WDFY3: variants seen among roughly 807,000 people sequenced by gnomAD.
WDFY3 encodes the protein WD repeat and FYVE domain-containing protein 3.
A neutral mutation model predicts 409.6 loss-of-function variants in WDFY3; 66 were observed. The ratio of observed to expected loss-of-function variants is 0.16; its 90% CI spans 0.13 to 0.20. The LOEUF (loss-of-function observed/expected upper bound fraction) is 0.20. WDFY3 is among the 10% of genes least tolerant of loss of function. The pLI is 1.00. For synonymous variants in WDFY3, 1,521 were observed against 1,537.1 expected (o/e 0.99, Z 0.25); for missense variants, 3,031 against 4,298.1 (o/e 0.71, Z 8.24).
intron 3 of WDFY3, among the ~76,000 whole-genome samples, chr4:84,894,947 CAAAAAAAAAAA>C: frequency 1.0e-5 from 1 of 98,848 alleles, no homozygotes; most frequent in East Asian, 3.3e-4. Context: ...GAGACTGTCT[CAAAAAAAAAAA>C]AAAAAAAAGT....
intron 56 of WDFY3, among the ~76,000 whole-genome samples, chr4:84,697,617 C>T (rs1730342749): frequency 6.6e-6 from 1 of 152,128 alleles, no homozygotes; most frequent in East Asian, 1.9e-4. Flanking sequence ...AATTTGGCTG[C>T]ATCTAAACAA....
At chr4:84,900,856 T>C (rs921841817) in intron 2 of WDFY3, among the ~76,000 whole-genome samples, 62 of 152,248 alleles carry the variant, frequency 4.1e-4, no homozygotes, top group African/African-American at 1.3e-3. Context: ...ACAAAAACTT[T>C]TGAAAACAGC....
chr4:84,735,955 T>A (rs1024865851), intron 42 of WDFY3, among the ~76,000 whole-genome samples: 1 of 152,228 alleles, frequency 6.6e-6, no homozygotes, highest in African/African-American at 2.4e-5. Flanking sequence ...CTAAATCTCA[T>A]CTTATATCCA....
intron 21 of WDFY3, among the ~76,000 whole-genome samples, chr4:84,793,614 T>C (rs1279727784): frequency 6.6e-6 from 1 of 152,088 alleles, no homozygotes; most frequent in Non-Finnish European, 1.5e-5. Flanking sequence ...ATCAGAGAAA[T>C]AGTGAGTATT....
At chr4:84,756,612 AAAT>A (rs901497252) in intron 33 of WDFY3, among the ~76,000 whole-genome samples, 32 of 148,668 alleles carry the variant, frequency 2.2e-4, no homozygotes, top group African/African-American at 7.6e-4. Context: ...AAATAAAATA[AAAT>A]AAAATAAAAT....
intron 1 of WDFY3, among the ~76,000 whole-genome samples, chr4:84,932,995 C>CT (rs1770959625): frequency 6.6e-6 from 1 of 152,094 alleles, no homozygotes; most frequent in Non-Finnish European, 1.5e-5. Flanking sequence ...TCTTAGGCCT[C>CT]TAGTAACTCT....
chr4:84,950,582 G>A (rs775222028), intron 1 of WDFY3, among the ~76,000 whole-genome samples: 1 of 152,088 alleles, frequency 6.6e-6, no homozygotes, highest in East Asian at 1.9e-4. Context: ...ATGATGTTAG[G>A]AGATCGAGAC....
At chr4:84,958,036 T>G (rs887360580) in intron 1 of WDFY3, among the ~76,000 whole-genome samples, 3 of 152,234 alleles carry the variant, frequency 2.0e-5, no homozygotes, top group Non-Finnish European at 2.9e-5. Flanking sequence ...ATTATTACAT[T>G]TATTTATGGT....
intron 30 of WDFY3, among the ~76,000 whole-genome samples, 197 bp from the exon 31 acceptor site, chr4:84,766,569 T>C (rs993321208): frequency 2.6e-5 from 4 of 152,230 alleles, no homozygotes; most frequent in Non-Finnish European, 5.9e-5. Context: ...TTCATTTACA[T>C]TTGACATTTC....
chr4:84,905,790 C>T (rs771859697), intron 2 of WDFY3, among the ~76,000 whole-genome samples: 5 of 152,168 alleles, frequency 3.3e-5, no homozygotes, highest in Non-Finnish European at 5.9e-5. Flanking sequence ...CACTCTCCCC[C>T]AGACATCTCC....
chr4:84,709,249 T>C, intron 52 of WDFY3, 44 bp downstream of exon 52: 1 of 1,555,908 alleles, frequency 6.4e-7, no homozygotes, highest in Non-Finnish European at 8.7e-7. Context: ...ACTTCTACTC[T>C]AATTACGAAC....
intron 7 of WDFY3, among the ~76,000 whole-genome samples, chr4:84,833,683 A>G (rs139961467): frequency 2.0e-4 from 28 of 137,852 alleles, no homozygotes; most frequent in African/African-American, 7.4e-4. Context: ...AAAGAAAAGA[A>G]AAGAAAAGAG....
At chr4:84,722,483 G>A (rs1735008238) in intron 46 of WDFY3, among the ~76,000 whole-genome samples, 1 of 152,158 alleles carries the variant, frequency 6.6e-6, no homozygotes, top group Non-Finnish European at 1.5e-5. Context: ...TGGCAGTATG[G>A]CTTTTCATAC....
intron 1 of WDFY3, among the ~76,000 whole-genome samples, chr4:84,945,949 C>CA (rs1251171953): frequency 6.6e-6 from 1 of 152,046 alleles, no homozygotes; most frequent in East Asian, 1.9e-4. Flanking sequence ...ATAGAATTGA[C>CA]AGAGGTGACT....
At chr4:84,835,116 C>T (rs886555989) in intron 7 of WDFY3, among the ~76,000 whole-genome samples, 1 of 152,144 alleles carries the variant, frequency 6.6e-6, no homozygotes, top group Admixed American at 6.6e-5. Flanking sequence ...TCAATGACTT[C>T]AGTATGCTAA....
chr4:84,764,323 T>C (rs1323206716), intron 32 of WDFY3, among the ~76,000 whole-genome samples: 1 of 152,220 alleles, frequency 6.6e-6, no homozygotes, highest in Non-Finnish European at 1.5e-5. Context: ...TACCAAAATG[T>C]TCAAAATAAT....
intron 37 of WDFY3, among the ~76,000 whole-genome samples, chr4:84,742,352 G>A (rs897261769): frequency 2.0e-5 from 3 of 152,178 alleles, no homozygotes; most frequent in Non-Finnish European, 2.9e-5. Context: ...ACAGACAGAA[G>A]AGAGCTTCAA....
chr4:84,690,474 T>TCC (rs757175024), intron 61 of WDFY3, 32 bp downstream of exon 61: 1 of 1,614,014 alleles, frequency 6.2e-7, no homozygotes, highest in South Asian at 1.1e-5. Flanking sequence ...ATGGACTATG[T>TCC]CCTTCTTGGC....
intron 8 of WDFY3, among the ~76,000 whole-genome samples, chr4:84,829,435 G>A (rs1413529300): frequency 2.0e-5 from 3 of 152,052 alleles, no homozygotes; most frequent in Non-Finnish European, 2.9e-5. Context: ...GTATGTACCT[G>A]TCATTTTTTC....
Sources: gnomAD v4.1 joint callset for allele counts (sites outside exome capture counted in the v4.1 genomes callset) on GRCh38, gnomAD v4.1.1 for gene constraint, MANE v1.5 for transcripts, NCBI Gene and HGNC (gene_info 2026-07-23, HGNC 2026-07-21) for gene names.